The following C7 variants were observed in gnomAD, a reference collection of about 807,000 sequenced individuals.
The protein encoded by C7 is complement C7.
In C7, 83 loss-of-function variants were observed where a neutral mutation model predicts 104.8. That is an observed-to-expected ratio of 0.79 (90% CI 0.66 to 0.95). C7 has a LOEUF of 0.95. C7 is among the 40% of genes least tolerant of loss of function. C7 has a pLI of 0.00. For missense variants in C7, 1,070 were observed against 1,011.2 expected, an observed-to-expected ratio of 1.06 and a Z score of -0.79; for synonymous variants, 415 against 360.6, an observed-to-expected ratio of 1.15 and a Z score of -1.71.
chr5:40,955,081 A>C (rs1176742676), intron 9 of C7, among the ~76,000 whole-genome samples: 1 of 152,140 alleles, frequency 6.6e-6, no homozygotes, highest in African/African-American at 2.4e-5. Context: ...CAATGGATGA[A>C]CCTACATTGA....
At position 40,934,432 on chromosome 5, in the gene C7, G is replaced by A. The variant is rs1739766619; in HGVS notation, c.246G>A (p.Glu82=). Residue 82 remains glutamate, a synonymous_variant, in exon 4 of 18, where the codon GAG becomes GAA. Coordinates refer to ENST00000313164, the MANE Select transcript of C7 (RefSeq NM_000587.4). The stretch of plus-strand genomic sequence containing the variant: ...AACCTACAAGAGGATGTCCAACAGA[G>A]GAGGGATGTGGAGAGCGTTTCAGGT... ...SCEPTRGCPT[E]EGCGERFRCF... The A allele has an allele frequency of 6.2e-7, 1 of 1,613,804 alleles. No individual in the cohort carries two copies. Among genetic ancestry groups the A allele is most frequent in the Non-Finnish European group, 8.5e-7 (1 of 1,179,736 alleles).
At chr5:40,969,663 A>T (rs774264277) in intron 14 of C7, among the ~76,000 whole-genome samples, 1 of 151,182 alleles carries the variant, frequency 6.6e-6, no homozygotes, top group African/African-American at 2.4e-5. Flanking sequence ...ACAGGACTGG[A>T]CTCTAGTTTT....
chr5:40,950,567 A>T (rs1450935787), intron 9 of C7, among the ~76,000 whole-genome samples: 1 of 152,146 alleles, frequency 6.6e-6, no homozygotes, highest in East Asian at 1.9e-4. Flanking sequence ...AGGCTTTATC[A>T]GGGGTTCTGC....
intron 1 of C7, among the ~76,000 whole-genome samples, chr5:40,926,875 T>A (rs1416611253): frequency 6.6e-6 from 1 of 151,632 alleles, no homozygotes; most frequent in Non-Finnish European, 1.5e-5. Flanking sequence ...CTAACATCAT[T>A]TTTCAAAGAA....
intron 1 of C7, among the ~76,000 whole-genome samples, chr5:40,915,318 G>C (rs1052170581): frequency 6.6e-6 from 1 of 152,134 alleles, no homozygotes; most frequent in Non-Finnish European, 1.5e-5. Context: ...TTGGGGAGGT[G>C]GGGAAGAGGA....
intron 14 of C7, among the ~76,000 whole-genome samples, chr5:40,969,541 T>A (rs1740645116): frequency 6.6e-6 from 1 of 152,208 alleles, no homozygotes. Flanking sequence ...TAACTTTTGT[T>A]TATGGCAACC....
chr5:40,924,360 A>AGC (rs1444009446), intron 1 of C7, among the ~76,000 whole-genome samples: 1 of 152,170 alleles, frequency 6.6e-6, no homozygotes, highest in Non-Finnish European at 1.5e-5. Flanking sequence ...CTCTTGGGCA[A>AGC]CTTTACTTCT....
intron 14 of C7, among the ~76,000 whole-genome samples, chr5:40,969,299 T>C (rs888703003): frequency 6.6e-5 from 10 of 152,342 alleles, no homozygotes; most frequent in African/African-American, 2.4e-4. Context: ...CTGTTGTAAT[T>C]CTCCATCTTG....
chr5:40,981,631 A>G lies in C7; in HGVS notation c.*58A>G. ...TCCAGCAGGCAGCTGGGGCTGAGTGAAAACATCTGCACAACTGGGCACTGG... is the reference window on the plus strand; with the variant it reads ...TCCAGCAGGCAGCTGGGGCTGAGTGGAAACATCTGCACAACTGGGCACTGG... On this transcript the variant is annotated 3_prime_UTR_variant, in exon 18 of 18. Coordinates refer to ENST00000313164, the MANE Select transcript of C7 (RefSeq NM_000587.4). The G allele has an allele frequency of 6.9e-7, 1 of 1,453,876 alleles. No homozygotes were observed. The highest frequency in any genetic ancestry group is 9.4e-7 in the Non-Finnish European group (1 of 1,068,404). The allele number at this position is 1,453,876 out of a possible 1,614,324, so 90.1% of individuals were successfully genotyped here.
Position 40,971,330 on chromosome 5 carries a change from T to C in C7, c.1883-1073T>C, listed in dbSNP as rs573542986. Among the ~76,000 whole-genome samples, 6 of 152,348 alleles carry C rather than the reference T, an allele frequency of 3.9e-5. No individual in the cohort carries two copies. In the South Asian group the frequency reaches 1.0e-3, roughly 26 times the overall value. Reference sequence around the variant, plus strand: ...GTGGTTTTGATTTGCATTTCTCTGGTGACCAGTGATGATGAGCATTTTTTC... The same window carrying C: ...GTGGTTTTGATTTGCATTTCTCTGGCGACCAGTGATGATGAGCATTTTTTC... On this transcript the variant is annotated intron_variant, in intron 14 of 17. Coordinates refer to ENST00000313164, the MANE Select transcript of C7 (RefSeq NM_000587.4).
intron 15 of C7, among the ~76,000 whole-genome samples, chr5:40,974,583 T>A (rs1740774303): frequency 6.6e-6 from 1 of 150,974 alleles, no homozygotes; most frequent in Non-Finnish European, 1.5e-5. Context: ...GCCCGGCTAA[T>A]TTTTTTTTGT....
chr5:40,967,130 A>T (rs960951974), intron 14 of C7, among the ~76,000 whole-genome samples: 1 of 147,792 alleles, frequency 6.8e-6, no homozygotes, highest in Non-Finnish European at 1.5e-5. Context: ...CAGTGGCGTG[A>T]TCTTGCCTCA....
intron 10 of C7, among the ~76,000 whole-genome samples, chr5:40,956,054 A>T (rs1373456197): frequency 4.6e-5 from 7 of 152,184 alleles, no homozygotes; most frequent in Admixed American, 2.6e-4. Context: ...GTGTTTCTAA[A>T]AATCATTGAG....
Position 40,983,324 on chromosome 5 carries a change from G to C in C7, c.*1751G>C, listed in dbSNP as rs970272874. On this transcript the variant is annotated 3_prime_UTR_variant, in exon 18 of 18. Transcript: ENST00000313164. Reference sequence around the variant, plus strand: ...CTTAGCTTAAGCTAGTATGGAGTTAGATTCCTACCGCTTATGTATCACCAT... The same window carrying C: ...CTTAGCTTAAGCTAGTATGGAGTTACATTCCTACCGCTTATGTATCACCAT... Among the ~76,000 whole-genome samples the C allele has an allele frequency of 6.6e-6, 1 of 152,174 alleles. No individual in the cohort carries two copies. The highest frequency in any genetic ancestry group is 1.5e-5 in the Non-Finnish European group (1 of 68,050).
Position 40,947,733 on chromosome 5 carries a change from T to G in C7, c.870T>G (p.Ser290Arg). The G allele has an allele frequency of 1.2e-6, 2 of 1,613,794 alleles. No individual in the cohort carries two copies. Among genetic ancestry groups the G allele is most frequent in the Non-Finnish European group, 1.7e-6 (2 of 1,179,778 alleles). ...LSHLPSLYDY[S>R]AYRRLIDQYG... ...ACCTCCCCTCTCTGTATGACTACAG[T>G]GCCTACCGAAGATTAATCGACCAGT... Residue 290 changes from serine (S) to arginine (R), a missense_variant, in exon 8 of 18, where the codon AGT becomes AGG. Coordinates refer to ENST00000313164, the MANE Select transcript of C7 (RefSeq NM_000587.4).
chr5:40,969,629 T>A (rs889864276), intron 14 of C7, among the ~76,000 whole-genome samples: 2 of 152,176 alleles, frequency 1.3e-5, no homozygotes, highest in African/African-American at 2.4e-5. Flanking sequence ...AGGTATGGGC[T>A]TTCTACCTGG....
intron 1 of C7, among the ~76,000 whole-genome samples, chr5:40,919,724 TC>T (rs1333936213): frequency 6.6e-6 from 1 of 151,896 alleles, no homozygotes; most frequent in Non-Finnish European, 1.5e-5. Context: ...AACCAATAGG[TC>T]AATGAAATTA....
At chr5:40,953,368 C>T (rs1379801837) in intron 9 of C7, among the ~76,000 whole-genome samples, 3 of 151,922 alleles carry the variant, frequency 2.0e-5, no homozygotes, top group Admixed American at 6.6e-5. Flanking sequence ...TTCGACTAGG[C>T]GTGGTGGCTC....
At chr5:40,947,245 G>A (rs550185961) in intron 7 of C7, among the ~76,000 whole-genome samples, 8 of 151,400 alleles carry the variant, frequency 5.3e-5, no homozygotes, top group East Asian at 4.0e-4. Context: ...GATTACAGGT[G>A]TGTACCACCA....
Sources: allele counts gnomAD v4.1 joint callset (sites outside exome capture counted in the v4.1 genomes callset), GRCh38; gene constraint gnomAD v4.1.1; transcripts MANE v1.5; gene names NCBI Gene and HGNC (gene_info 2026-07-23, HGNC 2026-07-21).